EVC2: variants seen among roughly 807,000 people sequenced by gnomAD.
EVC2 encodes the protein EvC ciliary complex subunit 2.
A neutral mutation model predicts 149.3 loss-of-function variants in EVC2; 148 were observed. The observed-to-expected ratio is 0.99, with a 90% CI of 0.87 to 1.14. EVC2 has a LOEUF of 1.14. Among genes scored for constraint, EVC2 ranks in the 50% most tolerant of loss-of-function variants. The pLI, the probability that EVC2 is intolerant of heterozygous loss-of-function variation, is 0.00. For missense variants in EVC2, 1,854 were observed against 1,627.3 expected (o/e 1.14, Z -2.40); for synonymous variants, 776 against 649.9 (o/e 1.19, Z -2.95).
chr4:5,581,497 T>A (rs1489750838), intron 17 of EVC2, among the ~76,000 whole-genome samples: 3 of 152,250 alleles, frequency 2.0e-5, no homozygotes, highest in Non-Finnish European at 4.4e-5. Context: ...ATTGTGCCCC[T>A]ACTCTAGAGA....
Position 5,708,489 on chromosome 4 carries a change from G to A in EVC2, c.25C>T (p.Arg9Cys). The A allele has an allele frequency of 1.1e-5, 17 of 1,480,284 alleles. No individual in the cohort carries two copies. Among genetic ancestry groups the A allele is most frequent in the Non-Finnish European group, 1.5e-5 (17 of 1,123,124 alleles). 91.7% of individuals were successfully genotyped at this position (1,480,284 alleles called of 1,614,324 possible). The change falls in exon 1 of 22, where the codon CGC becomes TGC. Residue 9 changes from arginine (R) to cysteine (C), a missense_variant. Transcript: ENST00000344408. ...CCCCCGGCCAGCACCCACGTGGGGC[G>A]CCCCCGGGAGCCCGAGGGGTCCATC... MDPSGSRG[R>C]PTWVLAGGLL...
chr4:5,683,661 G>T (rs186015737), intron 6 of EVC2, among the ~76,000 whole-genome samples: 1 of 152,096 alleles, frequency 6.6e-6, no homozygotes, highest in Non-Finnish European at 1.5e-5. Flanking sequence ...AGTAACAGGC[G>T]GGACTATTTC....
chr4:5,538,233 G>C (rs1023474537), downstream of EVC2, among the ~76,000 whole-genome samples: 1 of 152,024 alleles, frequency 6.6e-6, no homozygotes. Context: ...CAACCACTTA[G>C]ATGAAATGAA....
intron 20 of EVC2, 59 bp from the exon 21 acceptor site, chr4:5,565,418 C>T: frequency 6.5e-7 from 1 of 1,538,102 alleles, no homozygotes; most frequent in Admixed American, 1.7e-5. Context: ...CCACTGTAAT[C>T]CCAGCACTTT....
intron 6 of EVC2, among the ~76,000 whole-genome samples, chr4:5,683,201 T>G (rs1462292052): frequency 6.6e-6 from 1 of 152,232 alleles, no homozygotes; most frequent in Non-Finnish European, 1.5e-5. Flanking sequence ...ATTCATTCCC[T>G]TGGCCTTTTC....
At chr4:5,598,817 T>A (rs1365723962) in intron 16 of EVC2, among the ~76,000 whole-genome samples, 2 of 151,930 alleles carry the variant, frequency 1.3e-5, no homozygotes, top group East Asian at 3.9e-4. Flanking sequence ...TGCAACCTAC[T>A]CATCAGACAA....
chr4:5,586,629 A>G (rs1268359908), intron 16 of EVC2, among the ~76,000 whole-genome samples: 1 of 150,526 alleles, frequency 6.6e-6, no homozygotes, highest in African/African-American at 2.4e-5. Context: ...CATCTGCATC[A>G]TAAAACCTTG....
chr4:5,662,763 C>G (rs1198469611), intron 9 of EVC2, among the ~76,000 whole-genome samples: 1 of 150,894 alleles, frequency 6.6e-6, no homozygotes, highest in Non-Finnish European at 1.5e-5. Context: ...GCCACCTCCT[C>G]CAGGAAGCAT....
In EVC2 at chr4:5,576,249, T is replaced by A. The variant is rs780779477; in HGVS notation, c.3263A>T (p.His1088Leu). Residue 1088 changes from histidine (H) to leucine (L), a missense_variant, in exon 18 of 22, where the codon CAT (histidine) becomes CTT (leucine). Physicochemically the swap from His to Leu is moderately conservative, Grantham distance 99 (BLOSUM62 -3). Coordinates refer to ENST00000344408, the MANE Select transcript of EVC2 (RefSeq NM_147127.5). The surrounding 1 kb of genome is among the most constrained non-coding windows in gnomAD (Gnocchi z 4.5). ...GGGGCACACGGCATACCACTGCTGATGTTGCTCCAGTAATGTCTGGCTCTT... is the reference window on the plus strand; with the variant it reads ...GGGGCACACGGCATACCACTGCTGAAGTTGCTCCAGTAATGTCTGGCTCTT... ...LSKSQTLLEQ[H>L]QQCLREEQQN... 3 of 1,614,048 alleles carry A rather than the reference T, an allele frequency of 1.9e-6. No homozygotes were observed. The African/African-American group carries it at 4.0e-5, about 22-fold the overall frequency.
chr4:5,561,319 C>T (rs921217699), downstream of EVC2, among the ~76,000 whole-genome samples: 1 of 152,160 alleles, frequency 6.6e-6, no homozygotes, highest in Admixed American at 6.5e-5. Flanking sequence ...ATTCCCAAGA[C>T]CATGCATGCT....
chr4:5,682,907 C>G (rs1720448297), intron 6 of EVC2, among the ~76,000 whole-genome samples: 1 of 151,976 alleles, frequency 6.6e-6, no homozygotes, highest in East Asian at 1.9e-4. Context: ...AGCTTGCAGC[C>G]CAGTGAGCTC....
At chr4:5,680,729 T>C (rs960979172) in intron 7 of EVC2, among the ~76,000 whole-genome samples, 1 of 152,186 alleles carries the variant, frequency 6.6e-6, no homozygotes, top group African/African-American at 2.4e-5. Flanking sequence ...CATAAGTAAA[T>C]TGCTTAGAAT....
rs1284035957 is a variant in EVC2, at chr4:5,696,341, A to G, written c.283+1252T>C. Among the ~76,000 whole-genome samples, 1 of 152,182 alleles carries G rather than the reference A, an allele frequency of 6.6e-6. No individual in the cohort carries two copies. The highest frequency in any genetic ancestry group is 1.5e-5 in the Non-Finnish European group (1 of 68,026). The stretch of plus-strand genomic sequence containing the variant: ...TTCAGAGAGGACCCCTCCTCTATTC[A>G]GCAAGAATCCCGCTCAGTCTACAGA... On this transcript the variant is annotated intron_variant, in intron 2 of 21. Coordinates refer to ENST00000344408, the MANE Select transcript of EVC2 (RefSeq NM_147127.5). This position sits in a 1 kb window ranked among gnomAD's most constrained non-coding sequence, Gnocchi z 4.1.
chr4:5,596,210 C>A (rs1159148536), intron 16 of EVC2, among the ~76,000 whole-genome samples: 1 of 152,138 alleles, frequency 6.6e-6, no homozygotes, highest in African/African-American at 2.4e-5. Flanking sequence ...AGCTCTGCAC[C>A]AAGCGGACCT....
At chr4:5,549,175 T>C (rs1018461502) in intron 21 of EVC2, among the ~76,000 whole-genome samples, 1 of 152,236 alleles carries the variant, frequency 6.6e-6, no homozygotes, top group African/African-American at 2.4e-5. Flanking sequence ...TTAAGATATA[T>C]TGTTATAATG....
In EVC2 at chr4:5,574,795, G is replaced by C. The variant is rs560567501; in HGVS notation, c.3273-23C>G. The C allele has an allele frequency of 6.8e-6, 11 of 1,609,144 alleles. No individual in the cohort carries two copies. The East Asian group carries it at 2.0e-4, about 29-fold the overall frequency. ...AAACTGGAGTGAAAATAAAATATACGTAAGTTCAGTTTTGTTATAAAGTGA... is the reference window on the plus strand; with the variant it reads ...AAACTGGAGTGAAAATAAAATATACCTAAGTTCAGTTTTGTTATAAAGTGA... On this transcript the variant is annotated intron_variant, in intron 18 of 21. Coordinates refer to ENST00000344408, the MANE Select transcript of EVC2 (RefSeq NM_147127.5).
intron 6 of EVC2, among the ~76,000 whole-genome samples, chr4:5,681,851 C>T (rs979241233): frequency 2.0e-5 from 3 of 152,102 alleles, no homozygotes; most frequent in African/African-American, 7.2e-5. Flanking sequence ...GCATGGTGAC[C>T]GACAAGACCC....
rs201835379 is a variant in EVC2, at chr4:5,625,797, C to T, written c.1998G>A (p.Lys666=). ...LDNDLKQEKK[K]LHQKLITKRR... ...TCTTAGTTATTAATTTTTGGTGGAG[C>T]TTTTTCTTTTCCTGCTTTAAGTCAT... is the stretch of plus-strand genomic sequence containing the variant. The change falls in exon 13 of 22, where the codon AAG becomes AAA. Residue 666 remains lysine (K), a synonymous_variant. Transcript: ENST00000344408. This position sits in a 1 kb window ranked among gnomAD's most constrained non-coding sequence, Gnocchi z 4.0. The T allele has an allele frequency of 8.4e-5, 136 of 1,613,918 alleles. 1 individual carries two copies. The South Asian group carries it at 1.3e-3, about 15-fold the overall frequency.
At chr4:5,598,903 G>A (rs1713714915) in intron 16 of EVC2, among the ~76,000 whole-genome samples, 1 of 152,136 alleles carries the variant, frequency 6.6e-6, no homozygotes, top group Non-Finnish European at 1.5e-5. Flanking sequence ...ATCAAAAAGT[G>A]GGCGAAGGAC....
Sources: gnomAD v4.1 joint callset for allele counts (sites outside exome capture counted in the v4.1 genomes callset) on GRCh38, gnomAD v4.1.1 for gene constraint, Gnocchi (gnomAD v3.1) non-coding constraint, MANE v1.5 for transcripts, NCBI Gene and HGNC (gene_info 2026-07-23, HGNC 2026-07-21) for gene names.